The following CDKAL1 variants were observed in gnomAD, a reference collection of about 807,000 sequenced individuals.
CDKAL1 encodes the protein CDKAL1 threonylcarbamoyladenosine tRNA methylthiotransferase.
CDKAL1 carries 32 observed loss-of-function variants against 68.2 expected under a neutral mutation model. That is an observed-to-expected ratio of 0.47 (90% CI 0.35 to 0.63). The LOEUF (loss-of-function observed/expected upper bound fraction) is 0.63, where lower values mean the gene tolerates loss of function less well. Among genes scored for constraint, CDKAL1 ranks in the 30% least tolerant of loss-of-function variants. The pLI, the probability that CDKAL1 is intolerant of heterozygous loss-of-function variation, is 0.00. For synonymous variants in CDKAL1, 234 were observed against 244.3 expected (o/e 0.96, Z 0.39); for missense variants, 606 against 696.7 (o/e 0.87, Z 1.47).
chr6:21,220,895 G>A (rs990399150), intron 15 of CDKAL1, among the ~76,000 whole-genome samples: 7 of 152,128 alleles, frequency 4.6e-5, no homozygotes, highest in Admixed American at 2.6e-4. Flanking sequence ...GGCCAGGCAC[G>A]GTGGCTCATA....
intron 9 of CDKAL1, among the ~76,000 whole-genome samples, chr6:20,873,248 T>A (rs1048384298): frequency 1.7e-4 from 26 of 152,166 alleles, no homozygotes; most frequent in African/African-American, 5.5e-4. Context: ...AGATTAGTTG[T>A]TCTCAGTCTT....
intron 12 of CDKAL1, among the ~76,000 whole-genome samples, chr6:21,100,473 A>C (rs1480009513): frequency 1.3e-5 from 2 of 152,228 alleles, no homozygotes; most frequent in Non-Finnish European, 2.9e-5. Flanking sequence ...GTTCAAGACA[A>C]CAGTCAAAAG....
rs577159084 is a variant in CDKAL1, at chr6:20,631,198, G to C, written c.287-18095G>C. Among the ~76,000 whole-genome samples, 3 of 152,284 alleles carry C rather than the reference G, an allele frequency of 2.0e-5. No individual in the cohort carries two copies. In the South Asian group the frequency reaches 6.2e-4, roughly 32 times the overall value. On this transcript the variant is annotated intron_variant, in intron 4 of 15. Coordinates refer to ENST00000274695, the MANE Select transcript of CDKAL1 (RefSeq NM_017774.3). ...CTCTGTGACATACTGCCACCTTCTA[G>C]ATGATTTTTACCTCTGGTGTACAAC...
At chr6:20,744,432 A>T (rs532258039) in intron 6 of CDKAL1, among the ~76,000 whole-genome samples, 6 of 152,134 alleles carry the variant, frequency 3.9e-5, no homozygotes, top group African/African-American at 7.2e-5. Flanking sequence ...GCACAGTACT[A>T]TGCAAGTGCT....
intron 4 of CDKAL1, among the ~76,000 whole-genome samples, chr6:20,580,245 C>T (rs1304830645): frequency 6.6e-6 from 1 of 152,130 alleles, no homozygotes; most frequent in Non-Finnish European, 1.5e-5. Context: ...TTCAAGCCCC[C>T]AGAAAGTCCA....
chr6:21,159,533 T>C (rs928923370), intron 13 of CDKAL1, among the ~76,000 whole-genome samples: 1 of 152,246 alleles, frequency 6.6e-6, no homozygotes, highest in Admixed American at 6.5e-5. Flanking sequence ...ATTTGATCAC[T>C]GTCCATCTCC....
intron 2 of CDKAL1, among the ~76,000 whole-genome samples, chr6:20,545,536 C>T (rs1763564733): frequency 6.6e-6 from 1 of 152,062 alleles, no homozygotes; most frequent in South Asian, 2.1e-4. Flanking sequence ...TCCTGGGTTC[C>T]AGCGATTCTC....
intron 5 of CDKAL1, among the ~76,000 whole-genome samples, chr6:20,684,469 T>C (rs1171670841): frequency 6.6e-6 from 1 of 152,204 alleles, no homozygotes; most frequent in Non-Finnish European, 1.5e-5. Context: ...ATAAAGCTGC[T>C]ATAAACATTG....
chr6:20,936,450 C>T (rs1462233173), intron 9 of CDKAL1, among the ~76,000 whole-genome samples: 5 of 150,820 alleles, frequency 3.3e-5, no homozygotes, highest in African/African-American at 1.2e-4. Flanking sequence ...CGGGGTTTCA[C>T]CGTTTTAGCC....
intron 8 of CDKAL1, among the ~76,000 whole-genome samples, chr6:20,819,633 A>C (rs1777190850): frequency 6.6e-6 from 1 of 152,310 alleles, no homozygotes; most frequent in East Asian, 1.9e-4. Context: ...AAATCATTTC[A>C]CACATTTATC....
intron 13 of CDKAL1, among the ~76,000 whole-genome samples, chr6:21,141,544 A>G (rs1775909290): frequency 6.6e-6 from 1 of 152,212 alleles, no homozygotes; most frequent in Non-Finnish European, 1.5e-5. Flanking sequence ...TAATTTTTGA[A>G]TGAATGACTC....
chr6:20,941,680 G>A (rs1763980767), intron 9 of CDKAL1, among the ~76,000 whole-genome samples: 1 of 152,176 alleles, frequency 6.6e-6, no homozygotes, highest in South Asian at 2.1e-4. Flanking sequence ...AAGAGGGAGA[G>A]AAGTATCCTT....
chr6:20,868,516 C>T (rs1028260283), intron 9 of CDKAL1, among the ~76,000 whole-genome samples: 2 of 152,182 alleles, frequency 1.3e-5, no homozygotes, highest in Admixed American at 6.5e-5. Context: ...CAGAAGCGGC[C>T]GTGGCAGCAG....
At chr6:21,127,800 G>A (rs1442006424) in intron 13 of CDKAL1, among the ~76,000 whole-genome samples, 1 of 152,162 alleles carries the variant, frequency 6.6e-6, no homozygotes, top group Non-Finnish European at 1.5e-5. Context: ...AAGAACTTGT[G>A]TCACTGAATT....
chr6:21,184,764 C>T lies in CDKAL1; in HGVS notation c.1300-13257C>T, dbSNP rs566322876. On this transcript the variant is annotated intron_variant, in intron 13 of 15. Transcript: ENST00000274695. ...CTCCTGGGCACAAGCAATCCTCCCA[C>T]CTCAGCCTCTGGAGTAGCTATAGCT... 9.6e-4 allele frequency among the ~76,000 whole-genome samples: 146 copies of T among 152,158 alleles called. No individual in the cohort carries two copies. The Middle Eastern group carries it at 0.01, about 11-fold the overall frequency.
chr6:21,181,002 C>A (rs1221843855), intron 13 of CDKAL1, among the ~76,000 whole-genome samples: 1 of 152,114 alleles, frequency 6.6e-6, no homozygotes, highest in African/African-American at 2.4e-5. Context: ...TCTGACCAGG[C>A]CCTTACTGCT....
At chr6:21,085,968 G>A (rs913821632) in intron 12 of CDKAL1, among the ~76,000 whole-genome samples, 1 of 152,200 alleles carries the variant, frequency 6.6e-6, no homozygotes, top group African/African-American at 2.4e-5. Context: ...AGACTATGAG[G>A]GTAGTCAGAA....
intron 6 of CDKAL1, among the ~76,000 whole-genome samples, 178 bp from the exon 7 acceptor site, chr6:20,758,417 C>T (rs148354981): frequency 6.8e-4 from 103 of 152,256 alleles, no homozygotes; most frequent in East Asian, 2.3e-3. Flanking sequence ...TAATTTCATA[C>T]TTCATTGAAA....
At chr6:20,695,352 C>T (rs1439339596) in intron 5 of CDKAL1, among the ~76,000 whole-genome samples, 1 of 152,118 alleles carries the variant, frequency 6.6e-6, no homozygotes, top group South Asian at 2.1e-4. Context: ...CCATATGTAG[C>T]CTCTCTTTTT....
Sources: gnomAD v4.1 joint callset for allele counts (sites outside exome capture counted in the v4.1 genomes callset) on GRCh38, gnomAD v4.1.1 for gene constraint, MANE v1.5 for transcripts, NCBI Gene and HGNC (gene_info 2026-07-23, HGNC 2026-07-21) for gene names.